Variants in PHACTR2 observed in about 807,000 individuals in gnomAD.
PHACTR2 encodes the protein chromosome 6 open reading frame 56.
A neutral mutation model predicts 76.0 loss-of-function variants in PHACTR2; 30 were observed. The ratio of observed to expected loss-of-function variants is 0.39; its 90% CI spans 0.30 to 0.54. PHACTR2 has a LOEUF of 0.54. Among genes scored for constraint, PHACTR2 ranks in the 20% least tolerant of loss-of-function variants. The probability of loss-of-function intolerance (pLI) is 0.61; values close to 1 mark genes in which losing one functional copy is unlikely to be tolerated. For missense variants in PHACTR2, 696 were observed against 781.1 expected (o/e 0.89, Z 1.30); for synonymous variants, 292 against 292.5 (o/e 1.00, Z 0.02).
At chr6:143,560,436 C>A (rs533575662) in intron 1 of PHACTR2, among the ~76,000 whole-genome samples, 3 of 152,312 alleles carry the variant, frequency 2.0e-5, no homozygotes, top group African/African-American at 7.2e-5. Flanking sequence ...ACAAGAAACC[C>A]AGCCTAGTTT....
upstream of PHACTR2, among the ~76,000 whole-genome samples, chr6:143,677,368 A>T (rs988527408): frequency 3.3e-5 from 5 of 152,200 alleles, no homozygotes; most frequent in Non-Finnish European, 7.4e-5. Context: ...CAAGTTTGTT[A>T]TAGTTTTTTT....
intron 1 of PHACTR2, among the ~76,000 whole-genome samples, chr6:143,657,721 G>C (rs975023336): frequency 9.2e-5 from 14 of 152,178 alleles, no homozygotes. Flanking sequence ...CATCCCAGTG[G>C]GGGTACTGGC....
rs529844480 is a variant in PHACTR2, at chr6:143,664,630, C to T, written c.14-47386C>T. ...ATTATTTAGTACATATATCTTTCCC[C>T]GATCAAAATCAGGACTTTAACATAC... is the stretch of plus-strand genomic sequence containing the variant. On this transcript the variant is annotated intron_variant, in intron 1 of 11. Coordinates refer to the PHACTR2 transcript ENST00000305766. The surrounding 1 kb of genome is among the most constrained non-coding windows in gnomAD (Gnocchi z 5.1). Among the ~76,000 whole-genome samples, 6 of 152,062 alleles carry T rather than the reference C, an allele frequency of 3.9e-5. No homozygotes were observed. Among genetic ancestry groups the T allele is most frequent in the Admixed American group, 1.3e-4 (2 of 15,268 alleles).
rs1383832315 is a variant in PHACTR2 at position 143,777,586 on chromosome 6, G to GCCTTATA, written c.1645+206_1645+212dup. 4.0e-5 allele frequency among the ~76,000 whole-genome samples: 6 copies of GCCTTATA among 151,842 alleles called. No individual in the cohort carries two copies. Among genetic ancestry groups the GCCTTATA allele is most frequent in the Non-Finnish European group, 8.8e-5 (6 of 67,980 alleles). On this transcript the variant is annotated intron_variant, in intron 9 of 12. Coordinates refer to ENST00000440869, the MANE Select transcript of PHACTR2 (RefSeq NM_001100164.2). This position sits in a 1 kb window ranked among gnomAD's most constrained non-coding sequence, Gnocchi z 4.6. The stretch of plus-strand genomic sequence containing the variant: ...TTGATATTTGATTTTATGGCTTTGA[G>GCCTTATA]CCTTATACCCGCCCCTAGAGCAGAG...
rs553484348 is a variant in PHACTR2 at position 143,617,680 on chromosome 6, G to T, written c.13+9358G>T. Among the ~76,000 whole-genome samples, 1 of 152,166 alleles carries T rather than the reference G, an allele frequency of 6.6e-6. No homozygotes were observed. Among genetic ancestry groups the T allele is most frequent in the Non-Finnish European group, 1.5e-5 (1 of 68,036 alleles). ...CCAGTCTAGCTGAGATTTTGTGCTT[G>T]GGAATTATCTGCTTCCAGGTGAGAT... On this transcript the variant is annotated intron_variant, in intron 1 of 11. Transcript: ENST00000305766. This position sits in a 1 kb window ranked among gnomAD's most constrained non-coding sequence, Gnocchi z 4.8.
Position 143,678,020 on chromosome 6 carries a change from C to T in PHACTR2, c.-144C>T. The T allele has an allele frequency of 6.7e-7, 1 of 1,485,308 alleles. No individual in the cohort carries two copies. Among genetic ancestry groups the T allele is most frequent in the Non-Finnish European group, 9.0e-7 (1 of 1,114,050 alleles). The allele number at this position is 1,485,308 out of a possible 1,614,324, so 92.0% of individuals were successfully genotyped here. A position where few individuals can be genotyped will look rare whatever the true frequency, so the allele number is the denominator to read the frequency against. ...GCGGCCGGCCGGGCTGGGAGACCCG[C>T]GCGGGGTAGAAGGTGAGGGGACCCG... On this transcript the variant is annotated 5_prime_UTR_variant, in exon 1 of 13. Coordinates refer to ENST00000440869, the MANE Select transcript of PHACTR2 (RefSeq NM_001100164.2). This position sits in a 1 kb window ranked among gnomAD's most constrained non-coding sequence, Gnocchi z 6.2.
rs1474606586 is a variant in PHACTR2, at chr6:143,825,905, G to A, written c.*2216G>A. On this transcript the variant is annotated 3_prime_UTR_variant, in exon 13 of 13. Transcript: ENST00000440869. The surrounding 1 kb of genome is among the most constrained non-coding windows in gnomAD (Gnocchi z 4.1). Reference sequence around the variant, plus strand: ...GATGCAATTTTTTATTGCCTACAATGAGATACACTTAGTACAAAAAATGAA... The same window carrying A: ...GATGCAATTTTTTATTGCCTACAATAAGATACACTTAGTACAAAAAATGAA... 1 of 152,002 alleles carries A rather than the reference G, an allele frequency of 6.6e-6. No homozygotes were observed. The highest frequency in any genetic ancestry group is 1.5e-5 in the Non-Finnish European group (1 of 67,998). The allele number at this position is 152,002 out of a possible 1,614,324, so 9.4% of individuals were successfully genotyped here. A position where few individuals can be genotyped will look rare whatever the true frequency, so the allele number is the denominator to read the frequency against.
chr6:143,611,000 A>G lies in PHACTR2; in HGVS notation c.13+2678A>G, dbSNP rs1230221828. 2.0e-5 allele frequency among the ~76,000 whole-genome samples: 3 copies of G among 152,158 alleles called. No individual in the cohort carries two copies. The highest frequency in any genetic ancestry group is 6.5e-5 in the Admixed American group (1 of 15,284). On this transcript the variant is annotated intron_variant, in intron 1 of 11. Coordinates refer to the PHACTR2 transcript ENST00000305766. The surrounding 1 kb of genome is among the most constrained non-coding windows in gnomAD (Gnocchi z 4.9). ...ACCTGTGACTACAAGCATCATCAGC[A>G]TTCTGCCAGTGCCACTATCCTCCTT... is the stretch of plus-strand genomic sequence containing the variant.
chr6:143,778,856 C>T (rs1468503219), intron 9 of PHACTR2, among the ~76,000 whole-genome samples: 1 of 152,130 alleles, frequency 6.6e-6, no homozygotes, highest in Admixed American at 6.6e-5. Flanking sequence ...AGTGCCAAAC[C>T]ACAATGGAGT....
At chr6:143,563,560 A>AAAACAAC (rs1554287764) in intron 1 of PHACTR2, among the ~76,000 whole-genome samples, 1 of 143,244 alleles carries the variant, frequency 7.0e-6, no homozygotes, top group South Asian at 2.1e-4. Context: ...TCAAAAAAAA[A>AAAACAAC]AAAAAAAAAA....
rs766611793 is a variant in PHACTR2 at position 143,554,152 on chromosome 6, G to A, written c.217+16945G>A. 2.6e-5 allele frequency among the ~76,000 whole-genome samples: 4 copies of A among 152,166 alleles called. No individual in the cohort carries two copies. The highest frequency in any genetic ancestry group is 4.4e-5 in the Non-Finnish European group (3 of 68,040). On this transcript the variant is annotated intron_variant, in intron 1 of 11. Transcript: ENST00000367584. The surrounding 1 kb of genome is among the most constrained non-coding windows in gnomAD (Gnocchi z 5.9). The stretch of plus-strand genomic sequence containing the variant: ...TTTCATTCATATCAATATCAACTTA[G>A]GAGTGAATCCACAGTATGCAGGGCT...
chr6:143,610,435 C>T lies in PHACTR2; in HGVS notation c.13+2113C>T, dbSNP rs776687495. 6.6e-6 allele frequency among the ~76,000 whole-genome samples: 1 copy of T among 152,122 alleles called. No homozygotes were observed. Among genetic ancestry groups the T allele is most frequent in the Non-Finnish European group, 1.5e-5 (1 of 68,024 alleles). Reference sequence around the variant, plus strand: ...GGATTTCAGAGCTAGTAGTTTAGAGCGGGGCACTCGTACTGACAACTGGAT... The same window carrying T: ...GGATTTCAGAGCTAGTAGTTTAGAGTGGGGCACTCGTACTGACAACTGGAT... On this transcript the variant is annotated intron_variant, in intron 1 of 11. Transcript: ENST00000305766. This position sits in a 1 kb window ranked among gnomAD's most constrained non-coding sequence, Gnocchi z 4.9.
Position 143,760,338 on chromosome 6 carries a change from C to T in PHACTR2, c.455-63C>T. 3 of 1,471,612 alleles carry T rather than the reference C, an allele frequency of 2.0e-6. No homozygotes were observed. Among genetic ancestry groups the T allele is most frequent in the Middle Eastern group, 3.5e-4 (2 of 5,760 alleles). The allele number at this position is 1,471,612 out of a possible 1,614,324, so 91.2% of individuals were successfully genotyped here. A position where few individuals can be genotyped will look rare whatever the true frequency, so the allele number is the denominator to read the frequency against. On this transcript the variant is annotated intron_variant, in intron 4 of 12. Coordinates refer to ENST00000440869, the MANE Select transcript of PHACTR2 (RefSeq NM_001100164.2). This position sits in a 1 kb window ranked among gnomAD's most constrained non-coding sequence, Gnocchi z 6.4. ...TTTGTGTCACTATCGTCATGTCTTG[C>T]TCCTTGTGTTTATATGGTGTGTGTC...
Position 143,776,317 on chromosome 6 carries a change from G to A in PHACTR2, c.1590-1011G>A, listed in dbSNP as rs1018319898. On this transcript the variant is annotated intron_variant, in intron 8 of 12. Transcript: ENST00000440869. The surrounding 1 kb of genome is among the most constrained non-coding windows in gnomAD (Gnocchi z 5.3). ...AGATATACTGTTATTATACATGGTT[G>A]TATACCTAGAAAGCTCTAAAAACTG... Among the ~76,000 whole-genome samples, 3 of 152,106 alleles carry A rather than the reference G, an allele frequency of 2.0e-5. No individual in the cohort carries two copies. Among genetic ancestry groups the A allele is most frequent in the African/African-American group, 4.8e-5 (2 of 41,420 alleles).
At chr6:143,792,125 G>C (rs185734309) in intron 11 of PHACTR2, among the ~76,000 whole-genome samples, 1 of 152,136 alleles carries the variant, frequency 6.6e-6, no homozygotes, top group Admixed American at 6.5e-5. Context: ...AAATCATAAA[G>C]ATGCCTGCTC....
At position 143,821,448 on chromosome 6, in the gene PHACTR2, G is replaced by A. The variant is rs952030282; in HGVS notation, c.1923-2226G>A. ...AGTGACGTTTAGTAAGTACTATCAC[G>A]TGCCGGAGATTGTATTCAATGAGTA... On this transcript the variant is annotated intron_variant, in intron 12 of 12. Coordinates refer to ENST00000440869, the MANE Select transcript of PHACTR2 (RefSeq NM_001100164.2). This position sits in a 1 kb window ranked among gnomAD's most constrained non-coding sequence, Gnocchi z 5.2. Among the ~76,000 whole-genome samples the A allele has an allele frequency of 8.5e-5, 13 of 152,288 alleles. No individual in the cohort carries two copies. Among genetic ancestry groups the A allele is most frequent in the East Asian group, 1.9e-4 (1 of 5,186 alleles).
intron 1 of PHACTR2, among the ~76,000 whole-genome samples, chr6:143,574,240 G>A (rs1214469063): frequency 6.6e-6 from 1 of 152,218 alleles, no homozygotes; most frequent in African/African-American, 2.4e-5. Context: ...CTCAAGGCAG[G>A]AAGGAGAATC....
rs1236942099 is a variant in PHACTR2, at chr6:143,800,918, T to C, written c.1846-6139T>C. On this transcript the variant is annotated intron_variant, in intron 11 of 12. Coordinates refer to ENST00000440869, the MANE Select transcript of PHACTR2 (RefSeq NM_001100164.2). This position sits in a 1 kb window ranked among gnomAD's most constrained non-coding sequence, Gnocchi z 4.8. The stretch of plus-strand genomic sequence containing the variant: ...GATGACAAAATCTCTCAGCATTTGC[T>C]TGTGTGGAAAGGATTTTATTTCTCC... Among the ~76,000 whole-genome samples the C allele has an allele frequency of 6.6e-6, 1 of 152,224 alleles. No homozygotes were observed. The highest frequency in any genetic ancestry group is 1.9e-4 in the East Asian group (1 of 5,200).
chr6:143,580,947 G>T lies in PHACTR2; in HGVS notation c.217+43740G>T, dbSNP rs1164471063. Among the ~76,000 whole-genome samples the T allele has an allele frequency of 6.6e-6, 1 of 152,160 alleles. No individual in the cohort carries two copies. The highest frequency in any genetic ancestry group is 2.1e-4 in the South Asian group (1 of 4,824). On this transcript the variant is annotated intron_variant, in intron 1 of 11. Coordinates refer to the PHACTR2 transcript ENST00000367584. The surrounding 1 kb of genome is among the most constrained non-coding windows in gnomAD (Gnocchi z 4.2). ...CACCAGGTGTTGAAATTACAGAAGG[G>T]ACCATTTCTGGCAACACAGCAGACC...
Sources: gnomAD v4.1 joint callset for allele counts (sites outside exome capture counted in the v4.1 genomes callset) on GRCh38, gnomAD v4.1.1 for gene constraint, Gnocchi (gnomAD v3.1) non-coding constraint, MANE v1.5 for transcripts, NCBI Gene and HGNC (gene_info 2026-07-23, HGNC 2026-07-21) for gene names.